LIN28B: variants seen among roughly 807,000 people sequenced by gnomAD.
LIN28B encodes protein lin-28 homolog B.
In LIN28B, 5 loss-of-function variants were observed where a neutral mutation model predicts 21.9. The observed-to-expected ratio is 0.23, with a 90% CI of 0.12 to 0.48. The LOEUF (loss-of-function observed/expected upper bound fraction) is 0.48. Among genes scored for constraint, LIN28B ranks in the 20% least tolerant of loss-of-function variants. LIN28B has a pLI of 0.98. For missense variants in LIN28B, 245 were observed against 310.5 expected, an observed-to-expected ratio of 0.79 and a Z score of 1.58; for synonymous variants, 109 against 111.3, an observed-to-expected ratio of 0.98 and a Z score of 0.13.
intron 2 of LIN28B, among the ~76,000 whole-genome samples, chr6:105,015,464 T>A (rs1341483320): frequency 1.3e-5 from 2 of 152,140 alleles, no homozygotes; most frequent in African/African-American, 4.8e-5. Context: ...GGTCTTGCTT[T>A]TTTATCAATT....
intron 3 of LIN28B, among the ~76,000 whole-genome samples, chr6:105,041,334 T>G (rs78956178): frequency 0.036 from 5,464 of 152,338 alleles, 123 homozygotes; most frequent in South Asian, 0.053. Context: ...GCCTGTTTTT[T>G]GTTTCTTTCA....
intron 2 of LIN28B, among the ~76,000 whole-genome samples, chr6:105,013,148 A>T (rs2114312481): frequency 6.6e-6 from 1 of 152,088 alleles, no homozygotes; most frequent in East Asian, 1.9e-4. Context: ...AGTAGCTGGG[A>T]TTACAGGCGT....
At chr6:105,005,303 G>A (rs1390667406) in intron 2 of LIN28B, among the ~76,000 whole-genome samples, 1 of 152,050 alleles carries the variant, frequency 6.6e-6, no homozygotes, top group East Asian at 1.9e-4. Flanking sequence ...AGGTTTCACA[G>A]TGATTTTGCA....
intron 2 of LIN28B, among the ~76,000 whole-genome samples, chr6:104,975,883 T>A (rs1318927513): frequency 6.7e-6 from 1 of 150,060 alleles, no homozygotes; most frequent in African/African-American, 2.5e-5. Context: ...CACCACGTCG[T>A]CCAGGCTGGT....
At chr6:104,978,612 T>TA (rs1770156537) in intron 2 of LIN28B, among the ~76,000 whole-genome samples, 1 of 152,056 alleles carries the variant, frequency 6.6e-6, no homozygotes, top group African/African-American at 2.4e-5. Context: ...ACAATTGCTA[T>TA]AATGCAGAGT....
chr6:105,003,938 A>G (rs961193402), intron 2 of LIN28B, among the ~76,000 whole-genome samples: 1 of 152,190 alleles, frequency 6.6e-6, no homozygotes, highest in African/African-American at 2.4e-5. Context: ...AAATATATAG[A>G]TATATAAAGG....
intron 2 of LIN28B, among the ~76,000 whole-genome samples, chr6:104,996,092 CT>C (rs1239020675): frequency 6.6e-6 from 1 of 152,028 alleles, no homozygotes; most frequent in African/African-American, 2.4e-5. Context: ...CTTGTAGCAT[CT>C]CAATAAGAGG....
intron 2 of LIN28B, chr6:104,941,458 G>GGCGGGGGC (rs1778091665): frequency 6.7e-6 from 1 of 149,394 alleles, no homozygotes; most frequent in Non-Finnish European, 1.5e-5. Flanking sequence ...GGCGGGGCGG[G>GGCGGGGGC]GCAGGGCGGG....
chr6:104,968,336 A>G (rs1769906335), intron 2 of LIN28B, among the ~76,000 whole-genome samples: 1 of 152,190 alleles, frequency 6.6e-6, no homozygotes, highest in Non-Finnish European at 1.5e-5. Context: ...TTAGTTTTAA[A>G]ATTTTGAGCT....
At chr6:104,989,668 G>A (rs1191382153) in intron 2 of LIN28B, among the ~76,000 whole-genome samples, 1 of 120,066 alleles carries the variant, frequency 8.3e-6, no homozygotes, top group Non-Finnish European at 1.7e-5. Context: ...ATCTAGGCTC[G>A]CTGCAGCCTC....
At chr6:105,026,586 C>A in intron 3 of LIN28B, 104 bp downstream of exon 3, 1 of 707,802 alleles carries the variant, frequency 1.4e-6, no homozygotes, top group Non-Finnish European at 2.4e-6. Context: ...CCAAAGGAAA[C>A]CACCATCATG....
intron 2 of LIN28B, among the ~76,000 whole-genome samples, chr6:104,960,947 A>G (rs574059522): frequency 3.3e-5 from 5 of 152,288 alleles, no homozygotes; most frequent in African/African-American, 1.2e-4. Context: ...TCAAAAAGAA[A>G]CACATGCCTA....
At chr6:105,062,141 T>C (rs1377174794) in intron 3 of LIN28B, among the ~76,000 whole-genome samples, 1 of 152,030 alleles carries the variant, frequency 6.6e-6, no homozygotes, top group Non-Finnish European at 1.5e-5. Context: ...TTTTCTTAAA[T>C]GGTACTGCTC....
intron 3 of LIN28B, among the ~76,000 whole-genome samples, chr6:105,068,773 CAGTG>C (rs1198825367): frequency 2.6e-5 from 4 of 152,116 alleles, no homozygotes; most frequent in Admixed American, 1.3e-4. Context: ...GTATGGAAAA[CAGTG>C]AGCAGTAGTT....
At chr6:104,956,969 A>G, upstream of LIN28B, 1 of 753,522 alleles carries the variant, frequency 1.3e-6, no homozygotes, top group Admixed American at 3.6e-5. Context: ...GTCAGCATAG[A>G]TGAAATGGCG....
intron 3 of LIN28B, among the ~76,000 whole-genome samples, chr6:105,040,131 A>G (rs138654321): frequency 6.8e-4 from 104 of 152,284 alleles, no homozygotes; most frequent in African/African-American, 2.4e-3. Flanking sequence ...ATCTCTCGAC[A>G]TAATTAATTT....
chr6:105,022,004 T>C (rs758271136), intron 2 of LIN28B, among the ~76,000 whole-genome samples: 8 of 151,934 alleles, frequency 5.3e-5, no homozygotes, highest in Non-Finnish European at 8.8e-5. Flanking sequence ...TGTTTTAGAG[T>C]AATGGGAAAT....
intron 2 of LIN28B, 24 bp from the exon 3 acceptor site, chr6:105,026,274 C>G: frequency 1.4e-6 from 2 of 1,395,032 alleles, no homozygotes; most frequent in South Asian, 1.5e-5. Context: ...CTTTTTCTCC[C>G]CCACCCTCTT....
intron 2 of LIN28B, among the ~76,000 whole-genome samples, chr6:104,981,668 C>A (rs1230698015): frequency 6.6e-6 from 1 of 152,118 alleles, no homozygotes; most frequent in East Asian, 1.9e-4. Context: ...GACTGCAAAT[C>A]AAAAATGAGT....
Sources: gnomAD v4.1 joint callset for allele counts (sites outside exome capture counted in the v4.1 genomes callset) on GRCh38, gnomAD v4.1.1 for gene constraint, MANE v1.5 for transcripts, NCBI Gene and HGNC (gene_info 2026-07-23, HGNC 2026-07-21) for gene names.